Variants in COL28A1 observed in about 807,000 individuals in gnomAD.
COL28A1 encodes collagen type XXVIII alpha 1 chain, also known as collagen alpha-1(XXVIII) chain.
Under a neutral mutation model 150.2 loss-of-function variants are expected in COL28A1, and 161 were observed. That is an observed-to-expected ratio of 1.07 (90% CI 0.94 to 1.22). The LOEUF (loss-of-function observed/expected upper bound fraction) is 1.22. Ranked by LOEUF, COL28A1 falls within the 50% of genes most tolerant of loss-of-function variation. The probability of loss-of-function intolerance (pLI) is 0.00; values close to 1 mark genes in which losing one functional copy is unlikely to be tolerated. For missense variants in COL28A1, 1,617 were observed against 1,388.3 expected (o/e 1.16, Z -2.62); for synonymous variants, 552 against 469.7 (o/e 1.18, Z -2.26).
At chr7:7,367,615 G>A (rs1423097925) in intron 33 of COL28A1, among the ~76,000 whole-genome samples, 3 of 151,638 alleles carry the variant, frequency 2.0e-5, no homozygotes, top group African/African-American at 4.9e-5. Context: ...TTTTTCTTAC[G>A]TCCTCCCCTC....
the COL28A1 span, among the ~76,000 whole-genome samples, chr7:7,346,485 T>C: frequency 2.6e-5 from 4 of 152,012 alleles, no homozygotes; most frequent in Non-Finnish European, 5.9e-5. Flanking sequence ...GGCAATACAA[T>C]GTTGTTTGAA....
chr7:7,444,550 C>G (rs961546948), intron 18 of COL28A1, 61 bp from the exon 19 acceptor site: 3 of 1,500,104 alleles, frequency 2.0e-6, no homozygotes, highest in African/African-American at 1.4e-5. Context: ...GAGGTACTTG[C>G]AATTGGATGT....
downstream of COL28A1, among the ~76,000 whole-genome samples, chr7:7,355,976 C>G (rs559848804): frequency 6.6e-6 from 1 of 151,852 alleles, no homozygotes; most frequent in East Asian, 1.9e-4. Context: ...GGTATATTCA[C>G]ACAAATATAC....
chr7:7,386,622 T>C (rs185533859), intron 27 of COL28A1, among the ~76,000 whole-genome samples: 37 of 152,288 alleles, frequency 2.4e-4, no homozygotes, highest in East Asian at 1.5e-3. Flanking sequence ...GAGTGTGGGA[T>C]AGCAGGAGGG....
intron 11 of COL28A1, among the ~76,000 whole-genome samples, chr7:7,503,663 A>G (rs1428863225): frequency 6.6e-6 from 1 of 152,254 alleles, no homozygotes; most frequent in Non-Finnish European, 1.5e-5. Context: ...TTATGACAGT[A>G]CACTAATAAG....
chr7:7,505,874 G>C, intron 11 of COL28A1, 140 bp downstream of exon 11: 1 of 646,530 alleles, frequency 1.5e-6, no homozygotes, highest in Non-Finnish European at 2.8e-6. Flanking sequence ...TTAATTCTCT[G>C]TATACATCTG....
At chr7:7,388,176 T>G (rs373834450) in intron 27 of COL28A1, among the ~76,000 whole-genome samples, 1 of 151,360 alleles carries the variant, frequency 6.6e-6, no homozygotes, top group Non-Finnish European at 1.5e-5. Context: ...CCCCACCCCA[T>G]GACAGGCCTT....
At chr7:7,439,851 T>C (rs949569769) in intron 21 of COL28A1, among the ~76,000 whole-genome samples, 5 of 152,160 alleles carry the variant, frequency 3.3e-5, no homozygotes, top group Non-Finnish European at 7.4e-5. Context: ...TTTGTAATCA[T>C]CCCCAGGTGA....
chr7:7,405,173 T>C (rs1783425942), intron 27 of COL28A1, among the ~76,000 whole-genome samples: 1 of 152,236 alleles, frequency 6.6e-6, no homozygotes, highest in Admixed American at 6.5e-5. Flanking sequence ...AAAACTTGTA[T>C]ATGAACTAAT....
At chr7:7,436,331 G>T in intron 23 of COL28A1, 64 bp downstream of exon 23, 1 of 864,880 alleles carries the variant, frequency 1.2e-6, no homozygotes, top group Non-Finnish European at 2.0e-6. Context: ...ATCAACTTAT[G>T]CATTAAATCT....
rs138092890 is a variant in COL28A1 at position 7,433,590 on chromosome 7, C to T, written c.1861-890G>A. On this transcript the variant is annotated intron_variant, in intron 23 of 34. Transcript: ENST00000399429. Reference sequence around the variant, plus strand: ...CTGAGGCTGCAGTGAGAAGAGATCACACTACTGTGCTCCAGCCTGGGCGAC... The same window carrying T: ...CTGAGGCTGCAGTGAGAAGAGATCATACTACTGTGCTCCAGCCTGGGCGAC... 2.7e-3 allele frequency among the ~76,000 whole-genome samples: 402 copies of T among 148,212 alleles called. 4 individuals are homozygous for T. The highest frequency in any genetic ancestry group is 9.7e-3 in the African/African-American group (387 of 40,024).
At chr7:7,368,603 A>G (rs73345250) in intron 33 of COL28A1, among the ~76,000 whole-genome samples, 3,580 of 152,196 alleles carry the variant, frequency 0.024, 167 homozygotes, top group African/African-American at 0.081. Context: ...TTAGGTCATG[A>G]GGGTGGAGCC....
chr7:7,408,446 G>T (rs1185514653), intron 27 of COL28A1, among the ~76,000 whole-genome samples: 1 of 152,106 alleles, frequency 6.6e-6, no homozygotes, highest in Non-Finnish European at 1.5e-5. Context: ...ACCAACAATT[G>T]TAAAGTTCTT....
intron 27 of COL28A1, among the ~76,000 whole-genome samples, chr7:7,405,452 C>A (rs1783441532): frequency 6.6e-6 from 1 of 152,140 alleles, no homozygotes; most frequent in Non-Finnish European, 1.5e-5. Flanking sequence ...TCAAAACCAA[C>A]AGAAGCCAGT....
At chr7:7,453,044 A>G (rs1296392568) in intron 17 of COL28A1, among the ~76,000 whole-genome samples, 1 of 152,218 alleles carries the variant, frequency 6.6e-6, no homozygotes, top group Non-Finnish European at 1.5e-5. Context: ...TTTATTTGTT[A>G]GGTCATTTCT....
chr7:7,502,768 G>A (rs1312050078), intron 11 of COL28A1, among the ~76,000 whole-genome samples: 1 of 95,962 alleles, frequency 1.0e-5, no homozygotes, highest in Admixed American at 9.2e-5. Flanking sequence ...CGCGATCTCG[G>A]CTCACTGCAA....
At chr7:7,531,117 G>C (rs1782324728) in intron 3 of COL28A1, among the ~76,000 whole-genome samples, 1 of 152,144 alleles carries the variant, frequency 6.6e-6, no homozygotes. Flanking sequence ...GCATCAGCTA[G>C]CAATAAAGTT....
At chr7:7,454,549 T>A (rs1389456727) in intron 16 of COL28A1, among the ~76,000 whole-genome samples, 7 of 152,096 alleles carry the variant, frequency 4.6e-5, no homozygotes, top group Admixed American at 4.6e-4. Context: ...AGTCCGAGAC[T>A]TTTGTTTTGT....
At chr7:7,542,424 A>G in the COL28A1 span, among the ~76,000 whole-genome samples, 1 of 152,216 alleles carries the variant, frequency 6.6e-6, no homozygotes, top group Non-Finnish European at 1.5e-5. Flanking sequence ...TGTAAATACA[A>G]TTGTGAAATC....
Sources: gnomAD v4.1 joint callset for allele counts (sites outside exome capture counted in the v4.1 genomes callset) on GRCh38, gnomAD v4.1.1 for gene constraint, MANE v1.5 for transcripts, NCBI Gene and HGNC (gene_info 2026-07-23, HGNC 2026-07-21) for gene names.